TVP23C: variants seen among roughly 807,000 people sequenced by gnomAD.
TVP23C encodes the protein Golgi apparatus membrane protein TVP23 homolog C.
A neutral mutation model predicts 28.7 loss-of-function variants in TVP23C; 19 were observed. The ratio of observed to expected loss-of-function variants is 0.66; its 90% CI spans 0.46 to 0.97. The LOEUF (loss-of-function observed/expected upper bound fraction) is 0.97, where lower values mean the gene tolerates loss of function less well. Among genes scored for constraint, TVP23C ranks in the 50% least tolerant of loss-of-function variants. The pLI is 0.00. For synonymous variants in TVP23C, 68 were observed against 81.7 expected (o/e 0.83, Z 0.90); for missense variants, 186 against 241.3 (o/e 0.77, Z 1.52).
chr17:15,559,195 A>G (rs1364662256), intron 1 of TVP23C, among the ~76,000 whole-genome samples: 3 of 146,970 alleles, frequency 2.0e-5, no homozygotes, highest in Non-Finnish European at 4.5e-5. Flanking sequence ...CTTATGGTTC[A>G]TATTACCTAG....
chr17:15,561,622 GAATGAATGAATAAATAAATA>G (rs1182445329), intron 1 of TVP23C, among the ~76,000 whole-genome samples: 21 of 107,810 alleles, frequency 1.9e-4, no homozygotes, highest in African/African-American at 5.1e-4. Context: ...ATGAATGAAT[GAATGAATGAATAAATAAATA>G]AATAAATAAA....
intron 5 of TVP23C, among the ~76,000 whole-genome samples, chr17:15,512,956 C>G (rs1273000318): frequency 1.3e-5 from 2 of 152,200 alleles, no homozygotes; most frequent in African/African-American, 4.8e-5. Flanking sequence ...ATCCCCTCTC[C>G]TCCCTGGGCT....
At chr17:15,532,368 G>A (rs550629615), downstream of TVP23C, among the ~76,000 whole-genome samples, 41 of 152,212 alleles carry the variant, frequency 2.7e-4, no homozygotes, top group Non-Finnish European at 5.7e-4. Context: ...AGGTCAAGGA[G>A]TGACAAATCT....
chr17:15,533,769 T>A (rs890136204), downstream of TVP23C, among the ~76,000 whole-genome samples: 6 of 152,116 alleles, frequency 3.9e-5, no homozygotes, highest in Admixed American at 1.3e-4. Context: ...GCTCCATGAA[T>A]CATGGTTTTA....
intron 5 of TVP23C, among the ~76,000 whole-genome samples, chr17:15,516,226 C>T (rs984263497): frequency 6.6e-6 from 1 of 152,192 alleles, no homozygotes; most frequent in Admixed American, 6.5e-5. Context: ...GGCCACCTGC[C>T]GCAGTGCACA....
chr17:15,514,016 C>T lies in TVP23C; in HGVS notation c.463-10784G>A, dbSNP rs570305668. ...GGGCCTGTCACTAACCAGAAAACCA[C>T]AGCATTGAGAAGCATCCTCCGCACG... On this transcript the variant is annotated intron_variant, in intron 5 of 5. Transcript: ENST00000225576. Among the ~76,000 whole-genome samples the T allele has an allele frequency of 4.4e-4, 67 of 152,334 alleles. No homozygotes were observed. In the Middle Eastern group the frequency reaches 0.01, roughly 23 times the overall value.
exon 6 of TVP23C, chr17:15,502,812 CTCT>C (rs1981526964): frequency 2.5e-4 from 78 of 308,562 alleles, no homozygotes; most frequent in Non-Finnish European, 4.0e-4. Flanking sequence ...TCTCTCTCCT[CTCT>C]CTCTCTCTCT....
At chr17:15,512,219 T>C (rs1163503900) in intron 5 of TVP23C, among the ~76,000 whole-genome samples, 3 of 152,246 alleles carry the variant, frequency 2.0e-5, no homozygotes, top group Non-Finnish European at 4.4e-5. Flanking sequence ...TGGGTTGCTC[T>C]GATGTTGAAG....
rs554051656 is a variant in TVP23C, at chr17:15,544,915, T to G, written c.462+870A>C. Among the ~76,000 whole-genome samples the G allele has an allele frequency of 7.2e-5, 11 of 152,208 alleles. No individual in the cohort carries two copies. In the East Asian group the frequency reaches 1.7e-3, roughly 24 times the overall value. ...GAAAAACATAATTAAGGCCAAAATA[T>G]ATCTGATATCAATAAATATTGTGTG... On this transcript the variant is annotated intron_variant, in intron 5 of 5. Transcript: ENST00000518321.
intron 5 of TVP23C, among the ~76,000 whole-genome samples, chr17:15,544,035 A>G (rs1983536841): frequency 6.6e-6 from 1 of 152,186 alleles, no homozygotes; most frequent in Non-Finnish European, 1.5e-5. Flanking sequence ...CTTGATATGG[A>G]AAGATAAATA....
intron 5 of TVP23C, among the ~76,000 whole-genome samples, chr17:15,524,068 GT>G (rs1982614851): frequency 3.5e-5 from 3 of 85,402 alleles, no homozygotes; most frequent in African/African-American, 1.4e-4. Flanking sequence ...AGTGGGGTGT[GT>G]GTGTGTGTGT....
At chr17:15,543,342 T>C (rs561349229) in intron 5 of TVP23C, among the ~76,000 whole-genome samples, 179 of 150,820 alleles carry the variant, frequency 1.2e-3, no homozygotes, top group Admixed American at 3.5e-3. Context: ...ACTGTAAGGA[T>C]AAGCAAAATG....
intron 5 of TVP23C, among the ~76,000 whole-genome samples, chr17:15,513,278 GCTTA>G (rs1982078809): frequency 6.6e-6 from 1 of 152,174 alleles, no homozygotes; most frequent in South Asian, 2.1e-4. Context: ...AAGAGCCTGG[GCTTA>G]CTGAGTCAGC....
intron 5 of TVP23C, among the ~76,000 whole-genome samples, chr17:15,504,587 G>A (rs1327629015): frequency 6.6e-6 from 1 of 152,034 alleles, no homozygotes; most frequent in Non-Finnish European, 1.5e-5. Flanking sequence ...TTAAGAGACA[G>A]GGTCTCGTGC....
At chr17:15,508,158 C>G (rs1043375971) in intron 5 of TVP23C, among the ~76,000 whole-genome samples, 1 of 152,086 alleles carries the variant, frequency 6.6e-6, no homozygotes, top group Non-Finnish European at 1.5e-5. Flanking sequence ...GGACTGACTG[C>G]ATCCCTAGGA....
intron 5 of TVP23C, among the ~76,000 whole-genome samples, chr17:15,518,221 T>C (rs12948266): frequency 0.13 from 17,157 of 133,524 alleles, 1,128 homozygotes; most frequent in Middle Eastern, 0.21. Flanking sequence ...GAGAACCCAA[T>C]AGGCACTAAG....
chr17:15,533,812 A>T (rs1398139351), downstream of TVP23C, among the ~76,000 whole-genome samples: 2 of 152,196 alleles, frequency 1.3e-5, no homozygotes, highest in Non-Finnish European at 2.9e-5. Flanking sequence ...AAGCAAGGGA[A>T]ATTCTAAATG....
At chr17:15,531,048 T>TA (rs1982931848) in intron 5 of TVP23C, 1 of 152,240 alleles carries the variant, frequency 6.6e-6, no homozygotes, top group Non-Finnish European at 1.5e-5. Context: ...CATCCTTTCT[T>TA]ATAGTTTTGA....
rs569110534 is a variant in TVP23C, at chr17:15,528,747, G to A, written c.462+17038C>T. ...CAAGTAGCTGGGATTACAGGCATGCGCCGCCACACCCAGCTAATTTTTGTA... is the reference window on the plus strand; with the variant it reads ...CAAGTAGCTGGGATTACAGGCATGCACCGCCACACCCAGCTAATTTTTGTA... On this transcript the variant is annotated intron_variant, in intron 5 of 5. Coordinates refer to the TVP23C transcript ENST00000225576. Among the ~76,000 whole-genome samples, 4 of 151,924 alleles carry A rather than the reference G, an allele frequency of 2.6e-5. No homozygotes were observed. The South Asian group carries it at 6.2e-4, about 24-fold the overall frequency.
Sources: allele counts gnomAD v4.1 joint callset (sites outside exome capture counted in the v4.1 genomes callset), GRCh38; gene constraint gnomAD v4.1.1; transcripts MANE v1.5; gene names NCBI Gene and HGNC (gene_info 2026-07-23, HGNC 2026-07-21).